TRIM14: variants seen among roughly 807,000 people sequenced by gnomAD.
TRIM14 encodes tripartite motif containing 14.
In TRIM14, 28 loss-of-function variants were observed where a neutral mutation model predicts 44.5. The ratio of observed to expected loss-of-function variants is 0.63; its 90% CI spans 0.47 to 0.86. TRIM14 has a LOEUF of 0.86. TRIM14 is among the 40% of genes least tolerant of loss of function. TRIM14 has a pLI of 0.00. For synonymous variants in TRIM14, 299 were observed against 269.2 expected, an observed-to-expected ratio of 1.11 and a Z score of -1.08; for missense variants, 607 against 611.1, an observed-to-expected ratio of 0.99 and a Z score of 0.07.
At chr9:98,048,064 CAAAA>C in the TRIM14 span, among the ~76,000 whole-genome samples, 205 of 107,542 alleles carry the variant, frequency 1.9e-3, no homozygotes, top group South Asian at 6.0e-3. Context: ...GACTCCTTCT[CAAAA>C]AAAAAAAAAA....
downstream of TRIM14, among the ~76,000 whole-genome samples, chr9:98,082,383 G>C (rs180759999): frequency 8.5e-5 from 13 of 152,270 alleles, no homozygotes; most frequent in Admixed American, 2.6e-4. Flanking sequence ...CACCCACCCT[G>C]TATGGGCCTC....
intron 2 of TRIM14, among the ~76,000 whole-genome samples, chr9:98,109,644 ACAAAG>A (rs987470905): frequency 3.3e-5 from 5 of 152,242 alleles, no homozygotes. Context: ...GAGATTTGCC[ACAAAG>A]CAAAGGAAAC....
At chr9:98,077,604 G>A (rs12377681) in intron 6 of TRIM14, among the ~76,000 whole-genome samples, 4 of 152,140 alleles carry the variant, frequency 2.6e-5, no homozygotes, top group African/African-American at 9.7e-5. Context: ...TGTGGCCCCA[G>A]CTACTCGGGA....
At chr9:98,065,379 C>A (rs1382856070), downstream of TRIM14, among the ~76,000 whole-genome samples, 1 of 135,448 alleles carries the variant, frequency 7.4e-6, no homozygotes, top group Non-Finnish European at 1.5e-5. Flanking sequence ...ATCAATGGTG[C>A]AATCTCGGCT....
chr9:98,047,408 T>A, the TRIM14 span, among the ~76,000 whole-genome samples: 493 of 151,876 alleles, frequency 3.2e-3, 3 homozygotes, highest in African/African-American at 0.011. Context: ...ACCAGTAGAG[T>A]GGACCACTGC....
At chr9:98,037,918 T>C in the TRIM14 span, among the ~76,000 whole-genome samples, 1 of 152,184 alleles carries the variant, frequency 6.6e-6, no homozygotes, top group Non-Finnish European at 1.5e-5. Flanking sequence ...TTCTTTGAGA[T>C]GGGATCTCAT....
intron 1 of TRIM14, 123 bp from the exon 2 acceptor site, chr9:98,110,107 G>A: frequency 4.1e-6 from 3 of 733,088 alleles, no homozygotes; most frequent in Non-Finnish European, 7.1e-6. Context: ...TGAAGGTGAG[G>A]TAACTTGCCC....
chr9:98,064,346 C>T (rs946023133), downstream of TRIM14, among the ~76,000 whole-genome samples: 5 of 151,992 alleles, frequency 3.3e-5, no homozygotes, highest in African/African-American at 4.8e-5. Context: ...CTCCACCTCC[C>T]GGGTTCAAGT....
Position 98,084,665 on chromosome 9 carries a change from T to C in TRIM14, c.*2805A>G, listed in dbSNP as rs1308045447. 6.6e-6 allele frequency: 1 copy of C among 152,178 alleles called. No homozygotes were observed. Among genetic ancestry groups the C allele is most frequent in the Non-Finnish European group, 1.5e-5 (1 of 68,068 alleles). The allele number at this position is 152,178 out of a possible 1,614,324, so 9.4% of individuals were successfully genotyped here. A position where few individuals can be genotyped will look rare whatever the true frequency, so the allele number is the denominator to read the frequency against. ...TAAATCCTGGCATGATACAGCAGTA[T>C]ATATGTTTTTTTTGTTTTTTTTGAG... On this transcript the variant is annotated 3_prime_UTR_variant, in exon 6 of 6. Transcript: ENST00000341469.
At chr9:98,058,983 G>A in the TRIM14 span, among the ~76,000 whole-genome samples, 71 of 152,202 alleles carry the variant, frequency 4.7e-4, no homozygotes, top group East Asian at 0.013. Flanking sequence ...TCTAAGAGCA[G>A]GAGTAGTGAT....
chr9:98,050,661 TCTTA>T, the TRIM14 span, among the ~76,000 whole-genome samples: 4 of 152,154 alleles, frequency 2.6e-5, no homozygotes, highest in Non-Finnish European at 5.9e-5. Flanking sequence ...AGGTGAGAGT[TCTTA>T]CTTAGGTGAG....
At chr9:98,057,160 T>C in the TRIM14 span, among the ~76,000 whole-genome samples, 1 of 152,362 alleles carries the variant, frequency 6.6e-6, no homozygotes, top group South Asian at 2.1e-4. Flanking sequence ...TAACCCGACC[T>C]GTTTCCTCCC....
At chr9:98,051,809 C>G in the TRIM14 span, among the ~76,000 whole-genome samples, 1 of 150,696 alleles carries the variant, frequency 6.6e-6, no homozygotes, top group South Asian at 2.1e-4. Flanking sequence ...AATGCTTCTA[C>G]TGTGGATTTC....
the TRIM14 span, among the ~76,000 whole-genome samples, chr9:98,044,024 T>G: frequency 7.7e-6 from 1 of 130,248 alleles, no homozygotes; most frequent in Non-Finnish European, 1.6e-5. Context: ...TTTTTTTTTT[T>G]CTTAAAAGGA....
intron 2 of TRIM14, among the ~76,000 whole-genome samples, chr9:98,109,095 G>C (rs139137122): frequency 6.6e-6 from 1 of 151,976 alleles, no homozygotes; most frequent in African/African-American, 2.4e-5. Flanking sequence ...TCTTGCCTAG[G>C]CTGGTCTCGA....
chr9:98,087,468 C>T lies in TRIM14; in HGVS notation c.*2G>A. ...TGGAGGCTGTCACGCCGGTCCTGGC[C>T]CCTAGGGCAGCCGGGGGATGCTGAT... On this transcript the variant is annotated 3_prime_UTR_variant, in exon 6 of 6. Coordinates refer to ENST00000341469, the MANE Select transcript of TRIM14 (RefSeq NM_014788.4). 1.9e-6 allele frequency: 3 copies of T among 1,605,672 alleles called. No homozygotes were observed. Among genetic ancestry groups the T allele is most frequent in the Non-Finnish European group, 2.6e-6 (3 of 1,175,282 alleles).
At chr9:98,057,134 T>C in the TRIM14 span, among the ~76,000 whole-genome samples, 2 of 152,240 alleles carry the variant, frequency 1.3e-5, no homozygotes, top group African/African-American at 2.4e-5. Context: ...CTTTCTGCAT[T>C]ACAGCAGCTG....
chr9:98,107,673 AT>A (rs35656249), intron 2 of TRIM14, among the ~76,000 whole-genome samples: 11 of 149,356 alleles, frequency 7.4e-5, no homozygotes, highest in Admixed American at 1.3e-4. Flanking sequence ...GTGTAGGTAG[AT>A]TTTTTTTTTT....
At chr9:98,055,631 G>A in the TRIM14 span, among the ~76,000 whole-genome samples, 1 of 152,220 alleles carries the variant, frequency 6.6e-6, no homozygotes, top group African/African-American at 2.4e-5. Flanking sequence ...TGACTCCTAC[G>A]TGTCTAATCT....
Sources: allele counts gnomAD v4.1 joint callset (sites outside exome capture counted in the v4.1 genomes callset), GRCh38; gene constraint gnomAD v4.1.1; transcripts MANE v1.5; gene names NCBI Gene and HGNC (gene_info 2026-07-23, HGNC 2026-07-21).